Variants in PPP6R2 observed in about 807,000 individuals in gnomAD.
PPP6R2 encodes serine/threonine-protein phosphatase 6 regulatory subunit 2.
PPP6R2 carries 62 observed loss-of-function variants against 100.2 expected under a neutral mutation model. The observed-to-expected ratio is 0.62, with a 90% CI of 0.50 to 0.76. The LOEUF (loss-of-function observed/expected upper bound fraction) is 0.76, where lower values mean the gene tolerates loss of function less well. Among genes scored for constraint, PPP6R2 ranks in the 30% least tolerant of loss-of-function variants. PPP6R2 has a pLI of 0.00. For missense variants in PPP6R2, 1,142 were observed against 1,276.3 expected, an observed-to-expected ratio of 0.89 and a Z score of 1.60; for synonymous variants, 525 against 514.7, an observed-to-expected ratio of 1.02 and a Z score of -0.27.
chr22:50,436,538 C>A, intron 14 of PPP6R2, 86 bp downstream of exon 14: 1 of 1,370,746 alleles, frequency 7.3e-7, no homozygotes, highest in Non-Finnish European at 1.0e-6. Context: ...GAGGCAGAGG[C>A]CAAGGGAGGC....
rs374344000 is a variant in PPP6R2 at position 50,391,383 on chromosome 22, A to G, written c.-16-2510A>G. Among the ~76,000 whole-genome samples, 188 of 141,020 alleles carry G rather than the reference A, an allele frequency of 1.3e-3. 2 individuals carry two copies. In the South Asian group the frequency reaches 0.015, roughly 11 times the overall value. The allele number at this position is 141,020 out of a possible 152,430, so 92.5% of individuals were successfully genotyped here. A position where few individuals can be genotyped will look rare whatever the true frequency, so the allele number is the denominator to read the frequency against. ...GGGAGGCGGAGGTTGCAGTGAGCCA[A>G]GATCGTGCCACTGCACTCCAGCCTG... On this transcript the variant is annotated intron_variant, in intron 2 of 23. Coordinates refer to ENST00000612753, the MANE Select transcript of PPP6R2 (RefSeq NM_001242898.2).
chr22:50,444,011 C>CCAG lies in PPP6R2; in HGVS notation c.2729_2731dup (p.Ala910dup). 1 of 1,613,478 alleles carries CCAG rather than the reference C, an allele frequency of 6.2e-7. No homozygotes were observed. Among genetic ancestry groups the CCAG allele is most frequent in the Non-Finnish European group, 8.5e-7 (1 of 1,179,984 alleles). ...CAAGGCTGGCCCCGCCATACCCACC[C>CCAG]CAGCAGTCTCTTCTGCACTGGCCGT... On this transcript the variant is annotated inframe_insertion, in exon 23 of 24. Transcript: ENST00000612753.
At chr22:50,338,524 GGT>G (rs1338549117), upstream of PPP6R2, among the ~76,000 whole-genome samples, 8 of 131,778 alleles carry the variant, frequency 6.1e-5, no homozygotes, top group East Asian at 2.5e-4. Flanking sequence ...GTGTGTGTGC[GGT>G]GTGTGTGTAG....
At chr22:50,342,376 A>G (rs563407241), upstream of PPP6R2, among the ~76,000 whole-genome samples, 1 of 152,344 alleles carries the variant, frequency 6.6e-6, no homozygotes, top group African/African-American at 2.4e-5. Flanking sequence ...TCTGCTATAA[A>G]ACCGGCGAGG....
rs71198247 is a variant in PPP6R2, at chr22:50,424,633, C to CTTTTTTTTTTTT, written c.1125+1031_1125+1042dup. On this transcript the variant is annotated intron_variant, in intron 10 of 23. Coordinates refer to ENST00000612753, the MANE Select transcript of PPP6R2 (RefSeq NM_001242898.2). ...ACCTACTTTCCTTTTCCCTCTTCTT[C>CTTTTTTTTTTTT]TTTTTTTTTTTTTTTTTTTTTTTGA... Among the ~76,000 whole-genome samples the CTTTTTTTTTTTT allele has an allele frequency of 1.0e-3, 76 of 74,264 alleles. 2 individuals carry two copies. The highest frequency in any genetic ancestry group is 1.4e-3 in the Non-Finnish European group (53 of 39,238). 48.7% of individuals were successfully genotyped at this position (74,264 alleles called of 152,430 possible).
At chr22:50,396,873 G>T (rs1214214448) in intron 3 of PPP6R2, among the ~76,000 whole-genome samples, 2 of 152,162 alleles carry the variant, frequency 1.3e-5, no homozygotes, top group African/African-American at 4.8e-5. Flanking sequence ...TTAGGGTGGG[G>T]CAGCTGCAGC....
intron 2 of PPP6R2, among the ~76,000 whole-genome samples, chr22:50,373,504 A>C (rs1291934845): frequency 6.6e-6 from 1 of 151,544 alleles, no homozygotes; most frequent in Admixed American, 6.6e-5. Context: ...CGGCCTCCCA[A>C]AGTGCTGGGA....
At chr22:50,382,184 T>A (rs1233480178) in intron 2 of PPP6R2, among the ~76,000 whole-genome samples, 3 of 152,150 alleles carry the variant, frequency 2.0e-5, no homozygotes, top group Non-Finnish European at 2.9e-5. Context: ...GAAGAAACAA[T>A]CTATTATTCG....
At chr22:50,404,827 C>T (rs576410732) in intron 3 of PPP6R2, among the ~76,000 whole-genome samples, 153 of 152,236 alleles carry the variant, frequency 1.0e-3, no homozygotes, top group Middle Eastern at 3.4e-3. Context: ...GACAGCCATT[C>T]CTACAGGACG....
the PPP6R2 span, among the ~76,000 whole-genome samples, chr22:50,333,895 C>A: frequency 6.6e-6 from 1 of 152,142 alleles, no homozygotes; most frequent in Non-Finnish European, 1.5e-5. Flanking sequence ...TGGGTTGTCT[C>A]CAATGATAGG....
intron 2 of PPP6R2, among the ~76,000 whole-genome samples, chr22:50,376,451 CTG>C (rs1188612457): frequency 6.6e-6 from 1 of 152,164 alleles, no homozygotes; most frequent in Non-Finnish European, 1.5e-5. Flanking sequence ...AGGTCTTACT[CTG>C]TCGCCTAGGC....
In PPP6R2 at chr22:50,351,026, G is replaced by GTT. The variant is rs1195469509; in HGVS notation, c.-148+7506_-148+7507dup. On this transcript the variant is annotated intron_variant, in intron 1 of 23. Transcript: ENST00000612753. ...TTTCTGAGCAGTAGGTCTCAACAGT[G>GTT]TTTTTTTTTTTTTTTTTTTTTTTTT... Among the ~76,000 whole-genome samples the GTT allele has an allele frequency of 2.7e-3, 216 of 80,680 alleles. 1 individual carries two copies. Among genetic ancestry groups the GTT allele is most frequent in the Non-Finnish European group, 3.8e-3 (166 of 44,166 alleles). The allele number at this position is 80,680 out of a possible 152,430, so 52.9% of individuals were successfully genotyped here. A position where few individuals can be genotyped will look rare whatever the true frequency, so the allele number is the denominator to read the frequency against.
intron 3 of PPP6R2, among the ~76,000 whole-genome samples, chr22:50,399,664 C>T (rs901124394): frequency 5.9e-5 from 9 of 152,266 alleles, no homozygotes; most frequent in Non-Finnish European, 1.2e-4. Context: ...CAGCCACTGA[C>T]CCTGCTTAAT....
rs759259677 is a variant in PPP6R2, at chr22:50,423,829, G to A, written c.1125+215G>A. 1.3e-5 allele frequency among the ~76,000 whole-genome samples: 2 copies of A among 152,210 alleles called. No individual in the cohort carries two copies. Among genetic ancestry groups the A allele is most frequent in the East Asian group, 3.9e-4 (2 of 5,192 alleles). ...CAGCTGCAGGCTCATGGGAAGTGAC[G>A]AGTCTACCGTAGAATTGCCCTGAAA... On this transcript the variant is annotated intron_variant, in intron 10 of 23. Transcript: ENST00000612753. The surrounding 1 kb of genome is among the most constrained non-coding windows in gnomAD (Gnocchi z 4.8).
At chr22:50,361,178 C>T (rs1037260447) in intron 1 of PPP6R2, among the ~76,000 whole-genome samples, 2 of 152,144 alleles carry the variant, frequency 1.3e-5, no homozygotes, top group African/African-American at 2.4e-5. Context: ...CTGTCATCAC[C>T]CTCAATCTTG....
Position 50,381,526 on chromosome 22 carries a change from G to C in PPP6R2, c.-17+9376G>C, listed in dbSNP as rs142427081. ...GGCATCCCAGTTTAACATCAGGCTT[G>C]GTGGGGCCAAAGAAACCATATCCAA... is the stretch of plus-strand genomic sequence containing the variant. On this transcript the variant is annotated intron_variant, in intron 2 of 23. Coordinates refer to ENST00000612753, the MANE Select transcript of PPP6R2 (RefSeq NM_001242898.2). Among the ~76,000 whole-genome samples, 237 of 151,814 alleles carry C rather than the reference G, an allele frequency of 1.6e-3. 5 individuals carry two copies. In the East Asian group the frequency reaches 0.025, roughly 16 times the overall value.
chr22:50,443,947 G>A lies in PPP6R2; in HGVS notation c.2661G>A (p.Val887=), dbSNP rs187673185. The A allele has an allele frequency of 8.1e-6, 13 of 1,609,966 alleles. No individual in the cohort carries two copies. In the Admixed American group the frequency reaches 1.3e-4, roughly 17 times the overall value. The change falls in exon 23 of 24, where the codon GTG becomes GTA. Residue 887 remains valine, a synonymous_variant. Coordinates refer to ENST00000612753, the MANE Select transcript of PPP6R2 (RefSeq NM_001242898.2). ...KEVTAAPAVA[V]PPEATVAITT... The stretch of plus-strand genomic sequence containing the variant: ...TGACTGCTGCCCCAGCCGTGGCTGT[G>A]CCCCCCGAGGCTACTGTGGCCATCA...
chr22:50,390,196 T>TCA (rs1406594385), intron 2 of PPP6R2, among the ~76,000 whole-genome samples: 1 of 151,998 alleles, frequency 6.6e-6, no homozygotes, highest in Non-Finnish European at 1.5e-5. Context: ...TTCACCATGT[T>TCA]GGTCAGGCTG....
chr22:50,369,391 T>C lies in PPP6R2; in HGVS notation c.-147-2629T>C, dbSNP rs950714283. On this transcript the variant is annotated intron_variant, in intron 1 of 23. Transcript: ENST00000612753. ...TACCTGTTTTAGAAGGTGGTAACAC[T>C]GACTTATCCCTGGGCTACTGGCACC... Among the ~76,000 whole-genome samples the C allele has an allele frequency of 7.2e-5, 11 of 152,300 alleles. No individual in the cohort carries two copies. In the Middle Eastern group the frequency reaches 0.01, roughly 141 times the overall value.
Sources: allele counts gnomAD v4.1 joint callset (sites outside exome capture counted in the v4.1 genomes callset), GRCh38; gene constraint gnomAD v4.1.1; non-coding constraint Gnocchi (gnomAD v3.1); transcripts MANE v1.5; gene names NCBI Gene and HGNC (gene_info 2026-07-23, HGNC 2026-07-21).